The following ASIC2 variants were observed in gnomAD, a reference collection of about 807,000 sequenced individuals.
ASIC2 encodes acid sensing ion channel subunit 2, also known as acid-sensing ion channel 2.
Under a neutral mutation model 57.3 loss-of-function variants are expected in ASIC2, and 25 were observed. The observed-to-expected ratio is 0.44, with a 90% CI of 0.32 to 0.61. ASIC2 has a LOEUF of 0.61. Ranked by LOEUF, ASIC2 falls within the 20% of genes least tolerant of loss-of-function variation. The pLI is 0.06. For missense variants in ASIC2, 641 were observed against 738.1 expected (o/e 0.87, Z 1.52); for synonymous variants, 319 against 307.5 (o/e 1.04, Z -0.39).
At chr17:33,148,354 G>C (rs975517553) in intron 1 of ASIC2, among the ~76,000 whole-genome samples, 3 of 152,222 alleles carry the variant, frequency 2.0e-5, no homozygotes, top group African/African-American at 7.2e-5. Flanking sequence ...CACACAGGAA[G>C]TGGCAAAGCC....
At chr17:33,980,194 T>C (rs990602828) in intron 1 of ASIC2, among the ~76,000 whole-genome samples, 1 of 151,976 alleles carries the variant, frequency 6.6e-6, no homozygotes, top group Admixed American at 6.6e-5. Context: ...GACAAATAGG[T>C]GCTGGGAGCA....
intron 1 of ASIC2, among the ~76,000 whole-genome samples, chr17:33,172,641 G>A (rs1190022266): frequency 1.3e-5 from 2 of 152,152 alleles, no homozygotes; most frequent in Non-Finnish European, 2.9e-5. Context: ...TCCCATGCAC[G>A]GAACTTCAGA....
At chr17:33,461,257 T>G (rs1912624847) in intron 1 of ASIC2, among the ~76,000 whole-genome samples, 1 of 152,224 alleles carries the variant, frequency 6.6e-6, no homozygotes, top group Non-Finnish European at 1.5e-5. Flanking sequence ...GATAAAAGTT[T>G]TGAAACCTTA....
intron 1 of ASIC2, among the ~76,000 whole-genome samples, chr17:33,978,425 A>G (rs1399834155): frequency 6.6e-6 from 1 of 152,082 alleles, no homozygotes; most frequent in Non-Finnish European, 1.5e-5. Flanking sequence ...TGACTGTGTG[A>G]TTAGAATGTC....
At chr17:33,523,764 C>T (rs577353650) in intron 1 of ASIC2, among the ~76,000 whole-genome samples, 1 of 152,284 alleles carries the variant, frequency 6.6e-6, no homozygotes, top group African/African-American at 2.4e-5. Context: ...GCCCTCTGTG[C>T]TCACTCTACC....
chr17:33,461,558 G>A (rs1912636455), intron 1 of ASIC2, among the ~76,000 whole-genome samples: 1 of 152,158 alleles, frequency 6.6e-6, no homozygotes, highest in Non-Finnish European at 1.5e-5. Context: ...GGGGCACTTA[G>A]AGAGCAATGA....
intron 1 of ASIC2, among the ~76,000 whole-genome samples, chr17:33,237,624 G>A (rs146661229): frequency 9.9e-5 from 15 of 152,120 alleles, no homozygotes; most frequent in African/African-American, 3.6e-4. Context: ...GAGCCACCGC[G>A]CCCGGCCTTA....
chr17:33,818,350 A>G (rs918260850), intron 1 of ASIC2, among the ~76,000 whole-genome samples: 1 of 152,202 alleles, frequency 6.6e-6, no homozygotes, highest in Non-Finnish European at 1.5e-5. Context: ...AACCTTTTGC[A>G]TATATTACCT....
At chr17:33,506,878 C>T (rs1914281001) in intron 1 of ASIC2, among the ~76,000 whole-genome samples, 1 of 152,170 alleles carries the variant, frequency 6.6e-6, no homozygotes, top group African/African-American at 2.4e-5. Flanking sequence ...GTGGTTGGTC[C>T]ACTGAGGAAA....
intron 1 of ASIC2, among the ~76,000 whole-genome samples, chr17:33,270,479 A>G (rs1904440254): frequency 6.6e-6 from 1 of 152,136 alleles, no homozygotes; most frequent in Non-Finnish European, 1.5e-5. Context: ...CCTGTTTAAA[A>G]TTCTTCTCTG....
At chr17:33,802,818 A>G (rs897558035) in intron 1 of ASIC2, among the ~76,000 whole-genome samples, 5 of 152,224 alleles carry the variant, frequency 3.3e-5, no homozygotes, top group Admixed American at 6.5e-5. Context: ...GCTCCTGCCA[A>G]CCTTCCCTCT....
At chr17:34,058,512 A>T (rs1477638885) in intron 1 of ASIC2, among the ~76,000 whole-genome samples, 1 of 151,970 alleles carries the variant, frequency 6.6e-6, no homozygotes, top group Non-Finnish European at 1.5e-5. Context: ...TTATTAAAAC[A>T]AATGCTTAGC....
At position 33,021,817 on chromosome 17, in the gene ASIC2, A is replaced by G. The variant is rs557873482; in HGVS notation, c.1350-507T>C. On this transcript the variant is annotated intron_variant, in intron 6 of 9. Coordinates refer to ENST00000225823, the MANE Select transcript of ASIC2 (RefSeq NM_183377.2). ...TCAAGTCAATTGCCAGAAGTCAAAG[A>G]AAGTTTGTAGGGAGCAAACTTACAT... Among the ~76,000 whole-genome samples, 426 of 152,352 alleles carry G rather than the reference A, an allele frequency of 2.8e-3. 2 individuals are homozygous for G. Among genetic ancestry groups the G allele is most frequent in the Non-Finnish European group, 2.4e-3 (160 of 68,026 alleles).
rs138635070 is a variant in ASIC2, at chr17:33,088,929, G to A, written c.921C>T (p.Phe307=). The A allele has an allele frequency of 2.5e-6, 4 of 1,614,048 alleles. No individual in the cohort carries two copies. The African/African-American group carries it at 4.0e-5, about 16-fold the overall frequency. ...CCACCCCAAAGCCCAGCTCTTGGAT[G>A]AAAGGTGGCTCAGACTGACTGTGGA... ...VQIHSQSEPP[F]IQELGFGVAP... is the part of the protein sequence containing the mutation. The change falls in exon 3 of 10, where the codon TTC becomes TTT. Residue 307 remains phenylalanine, a synonymous_variant. Transcript: ENST00000225823.
At chr17:33,400,877 A>G (rs144888415) in intron 1 of ASIC2, among the ~76,000 whole-genome samples, 2 of 152,268 alleles carry the variant, frequency 1.3e-5, no homozygotes, top group African/African-American at 4.8e-5. Context: ...CAAACTGCCT[A>G]TAGGTTGAGT....
At chr17:33,164,455 T>C (rs1406797426) in intron 1 of ASIC2, among the ~76,000 whole-genome samples, 4 of 151,378 alleles carry the variant, frequency 2.6e-5, no homozygotes, top group African/African-American at 7.3e-5. Context: ...GATGCAGAGT[T>C]TCCTCCAGCC....
intron 1 of ASIC2, among the ~76,000 whole-genome samples, chr17:33,517,398 G>A (rs868865174): frequency 1.3e-5 from 2 of 152,194 alleles, no homozygotes; most frequent in African/African-American, 4.8e-5. Flanking sequence ...TTACAGGCGC[G>A]AGCCATGGCA....
At position 33,089,472 on chromosome 17, in the gene ASIC2, C is replaced by G. The variant is rs541068846; in HGVS notation, c.860-482G>C. On this transcript the variant is annotated intron_variant, in intron 2 of 9. Transcript: ENST00000225823. ...TGATTTTATTGAGCCTAGGGAAATC[C>G]ATTTTGGACTTCTGACCTCCAGAAT... is the stretch of plus-strand genomic sequence containing the variant. Among the ~76,000 whole-genome samples the G allele has an allele frequency of 7.9e-5, 12 of 152,266 alleles. No homozygotes were observed. In the South Asian group the frequency reaches 2.3e-3, roughly 29 times the overall value.
chr17:33,387,371 C>T (rs1186434322), intron 1 of ASIC2, among the ~76,000 whole-genome samples: 1 of 152,250 alleles, frequency 6.6e-6, no homozygotes, highest in African/African-American at 2.4e-5. Context: ...TGTTTGTTGG[C>T]TCTTTTCTCA....
Sources: gnomAD v4.1 joint callset for allele counts (sites outside exome capture counted in the v4.1 genomes callset) on GRCh38, gnomAD v4.1.1 for gene constraint, MANE v1.5 for transcripts, NCBI Gene and HGNC (gene_info 2026-07-23, HGNC 2026-07-21) for gene names.